The following TLE3 variants were observed in gnomAD, a reference collection of about 807,000 sequenced individuals.
TLE3 encodes TLE family member 3, transcriptional corepressor, also known as transducin-like enhancer protein 3.
TLE3 carries 14 observed loss-of-function variants against 93.0 expected under a neutral mutation model. The ratio of observed to expected loss-of-function variants is 0.15; its 90% CI spans 0.10 to 0.24. The LOEUF is 0.24. Ranked by LOEUF, TLE3 falls within the 10% of genes least tolerant of loss-of-function variation. The pLI is 1.00. For missense variants in TLE3, 693 were observed against 1,046.6 expected, an observed-to-expected ratio of 0.66 and a Z score of 4.66; for synonymous variants, 451 against 425.0, an observed-to-expected ratio of 1.06 and a Z score of -0.75.
chr15:70,076,483 C>A (rs2057452534), intron 4 of TLE3, among the ~76,000 whole-genome samples: 1 of 152,164 alleles, frequency 6.6e-6, no homozygotes, highest in African/African-American at 2.4e-5. Context: ...ATAAAAATCA[C>A]CCCCAACAAC....
rs1596052869 is a variant in TLE3 at position 70,096,835 on chromosome 15, G to A, written c.-37C>T. 6.2e-7 allele frequency: 1 copy of A among 1,603,428 alleles called. No individual in the cohort carries two copies. The highest frequency in any genetic ancestry group is 8.5e-7 in the Non-Finnish European group (1 of 1,175,774). Reference sequence around the variant, plus strand: ...GTCGTGATTCCGAGAGCGTGGAAGCGCCGAGAGCCCGGGCCGGGGAGGTGC... The same window carrying A: ...GTCGTGATTCCGAGAGCGTGGAAGCACCGAGAGCCCGGGCCGGGGAGGTGC... On this transcript the variant is annotated 5_prime_UTR_variant, in exon 1 of 20. Transcript: ENST00000451782.
At chr15:70,054,116 G>A (rs1451370388) in intron 16 of TLE3, 6 of 237,634 alleles carry the variant, frequency 2.5e-5, no homozygotes, top group Admixed American at 5.3e-5. Flanking sequence ...CTTCCCAGTC[G>A]GGTCTCCCTA....
At chr15:70,052,317 A>T in intron 18 of TLE3, 57 bp downstream of exon 18, 1 of 1,589,834 alleles carries the variant, frequency 6.3e-7, no homozygotes, top group Non-Finnish European at 8.6e-7. Context: ...CTGTTGGGCC[A>T]GGCTGCCCTG....
intron 8 of TLE3, 45 bp downstream of exon 8, chr15:70,064,409 C>G: frequency 6.2e-7 from 1 of 1,612,000 alleles, no homozygotes; most frequent in Non-Finnish European, 8.5e-7. Context: ...CCACCTCCTC[C>G]CAGCACCCAA....
chr15:70,094,438 G>C (rs928211812), intron 4 of TLE3, 94 bp downstream of exon 4: 2 of 962,460 alleles, frequency 2.1e-6, no homozygotes, highest in African/African-American at 3.3e-5. Context: ...AATCGAAGAA[G>C]CAGGCTCACT....
intron 4 of TLE3, among the ~76,000 whole-genome samples, chr15:70,089,969 G>A (rs768860835): frequency 2.6e-5 from 4 of 152,160 alleles, no homozygotes; most frequent in Middle Eastern, 3.2e-3. Context: ...GTTCCCACCC[G>A]TTGATCTGTA....
chr15:70,079,039 C>T (rs1416568158), intron 4 of TLE3, among the ~76,000 whole-genome samples: 3 of 152,104 alleles, frequency 2.0e-5, no homozygotes, highest in African/African-American at 7.2e-5. Context: ...TGGTCTGGAG[C>T]CCAGCTCACT....
At chr15:70,085,720 AG>A (rs776267946) in intron 4 of TLE3, among the ~76,000 whole-genome samples, 21 of 152,190 alleles carry the variant, frequency 1.4e-4, no homozygotes, top group Non-Finnish European at 2.5e-4. Context: ...CCTGCAGGAG[AG>A]GGGCATGTCT....
intron 4 of TLE3, among the ~76,000 whole-genome samples, chr15:70,083,452 AG>A: frequency 6.6e-6 from 1 of 152,224 alleles, no homozygotes; most frequent in East Asian, 1.9e-4. Context: ...CAGACAGAAC[AG>A]GGAGTGCTTT....
At chr15:70,054,730 C>T (rs1433992643) in intron 15 of TLE3, 45 bp from the exon 16 acceptor site, 2 of 1,515,632 alleles carry the variant, frequency 1.3e-6, no homozygotes, top group African/African-American at 2.8e-5. Context: ...ACTTCCCCTC[C>T]TGGGCACCAG....
At chr15:70,084,246 A>T (rs1255375198) in intron 4 of TLE3, among the ~76,000 whole-genome samples, 1 of 152,246 alleles carries the variant, frequency 6.6e-6, no homozygotes, top group African/African-American at 2.4e-5. Context: ...CTCTCAACCA[A>T]TAGTAATTGT....
chr15:70,074,375 A>T, intron 6 of TLE3, 158 bp downstream of exon 6: 1 of 830,684 alleles, frequency 1.2e-6, no homozygotes, highest in Non-Finnish European at 1.8e-6. Context: ...AAACAGCCCT[A>T]CATGGGTCCA....
intron 6 of TLE3, among the ~76,000 whole-genome samples, chr15:70,072,539 G>A (rs2057237690): frequency 6.6e-6 from 1 of 152,226 alleles, no homozygotes. Flanking sequence ...GCTGGTCACT[G>A]AGACAGATGA....
intron 10 of TLE3, 60 bp downstream of exon 10, chr15:70,059,350 G>A (rs1262822033): frequency 1.3e-6 from 2 of 1,552,124 alleles, no homozygotes; most frequent in South Asian, 1.2e-5. Context: ...CCACCCTGGG[G>A]AGGAATAATT....
intron 15 of TLE3, 171 bp from the exon 16 acceptor site, chr15:70,054,856 C>G (rs1208466773): frequency 2.4e-6 from 3 of 1,224,594 alleles, no homozygotes; most frequent in East Asian, 2.6e-5. Context: ...TTTGATCTTT[C>G]ATGAATACCA....
At position 70,069,512 on chromosome 15, in the gene TLE3, GA is replaced by G. The variant is rs1410952442; in HGVS notation, c.373-3295del. On this transcript the variant is annotated intron_variant, in intron 6 of 19. Coordinates refer to ENST00000451782, the MANE Select transcript of TLE3 (RefSeq NM_001105192.3). The stretch of plus-strand genomic sequence containing the variant: ...GTAGGAGCGTCCTCTTTGCAAAAGA[GA>G]AAAGGAATCTCCCATGCAAAACTGA... 7.9e-5 allele frequency among the ~76,000 whole-genome samples: 12 copies of G among 152,380 alleles called. No homozygotes were observed. The East Asian group carries it at 2.3e-3, about 29-fold the overall frequency.
chr15:70,088,408 T>C (rs898320819), intron 4 of TLE3, among the ~76,000 whole-genome samples: 5 of 152,144 alleles, frequency 3.3e-5, no homozygotes, highest in African/African-American at 1.2e-4. Context: ...AATTATTTTA[T>C]AAAGAATTTT....
At chr15:70,059,136 G>A (rs534549549) in intron 10 of TLE3, among the ~76,000 whole-genome samples, 4 of 152,238 alleles carry the variant, frequency 2.6e-5, no homozygotes, top group East Asian at 1.9e-4. Context: ...GGAGGATCAC[G>A]GGGAATAGAA....
chr15:70,050,493 T>G, intron 19 of TLE3: 1 of 319,556 alleles, frequency 3.1e-6, no homozygotes, highest in Admixed American at 4.0e-5. Flanking sequence ...TAAGTCATAA[T>G]GATCAGAACA....
Sources: gnomAD v4.1 joint callset for allele counts (sites outside exome capture counted in the v4.1 genomes callset) on GRCh38, gnomAD v4.1.1 for gene constraint, MANE v1.5 for transcripts, NCBI Gene and HGNC (gene_info 2026-07-23, HGNC 2026-07-21) for gene names.